PTPRD: variants seen among roughly 807,000 people sequenced by gnomAD.
The protein encoded by PTPRD is receptor-type tyrosine-protein phosphatase delta.
PTPRD carries 34 observed loss-of-function variants against 214.5 expected under a neutral mutation model. The ratio of observed to expected loss-of-function variants is 0.16; its 90% CI spans 0.12 to 0.21. The LOEUF (loss-of-function observed/expected upper bound fraction) is 0.21, where lower values mean the gene tolerates loss of function less well. Among genes scored for constraint, PTPRD ranks in the 10% least tolerant of loss-of-function variants. PTPRD has a pLI of 1.00. For synonymous variants in PTPRD, 1,128 were observed against 845.7 expected (o/e 1.33, Z -5.79); for missense variants, 2,545 against 2,398.7 (o/e 1.06, Z -1.27).
intron 3 of PTPRD, among the ~76,000 whole-genome samples, chr9:10,156,245 TG>T (rs2099092736): frequency 6.6e-6 from 1 of 151,920 alleles, no homozygotes; most frequent in Non-Finnish European, 1.5e-5. Flanking sequence ...AATTTGAGAT[TG>T]TTCTAACTTT....
At chr9:9,263,695 A>T (rs1358505454) in intron 9 of PTPRD, among the ~76,000 whole-genome samples, 1 of 151,702 alleles carries the variant, frequency 6.6e-6, no homozygotes, top group Non-Finnish European at 1.5e-5. Context: ...AGAAGATATT[A>T]AATAATATGA....
At chr9:8,925,840 C>T (rs2098882195) in intron 11 of PTPRD, among the ~76,000 whole-genome samples, 1 of 146,894 alleles carries the variant, frequency 6.8e-6, no homozygotes, top group South Asian at 2.2e-4. Flanking sequence ...CTCAATTTGT[C>T]AGCTGGACTA....
At chr9:8,376,549 G>T (rs1255343641) in intron 38 of PTPRD, 58 bp downstream of exon 38, 3 of 1,607,696 alleles carry the variant, frequency 1.9e-6, no homozygotes, top group South Asian at 2.2e-5. Context: ...TTTCTCAAAA[G>T]AAGCTTTCTT....
chr9:10,209,047 G>A (rs1311404675), intron 3 of PTPRD, among the ~76,000 whole-genome samples: 1 of 152,128 alleles, frequency 6.6e-6, no homozygotes, highest in Non-Finnish European at 1.5e-5. Context: ...GAATAATCTG[G>A]CTTCCATGTT....
chr9:10,565,073 C>T (rs2065193403), intron 2 of PTPRD, among the ~76,000 whole-genome samples: 1 of 151,944 alleles, frequency 6.6e-6, no homozygotes, highest in South Asian at 2.1e-4. Flanking sequence ...CCATGTATTG[C>T]TCATCATTTG....
chr9:8,555,808 T>C (rs143722050), intron 14 of PTPRD, among the ~76,000 whole-genome samples: 271 of 152,278 alleles, frequency 1.8e-3, no homozygotes, highest in South Asian at 9.1e-3. Flanking sequence ...GGAGCACAGA[T>C]TGCAGATGGA....
intron 5 of PTPRD, among the ~76,000 whole-genome samples, chr9:9,775,895 G>T (rs1051922714): frequency 1.4e-5 from 2 of 143,004 alleles, no homozygotes; most frequent in African/African-American, 5.2e-5. Context: ...GGCGGAGCTT[G>T]CAGTGAGCCA....
At chr9:9,551,140 C>T (rs953538421) in intron 8 of PTPRD, among the ~76,000 whole-genome samples, 4 of 151,822 alleles carry the variant, frequency 2.6e-5, no homozygotes, top group Non-Finnish European at 5.9e-5. Context: ...TCACCCTAAA[C>T]CTGCATATGA....
At chr9:9,360,822 G>A (rs943553686) in intron 9 of PTPRD, among the ~76,000 whole-genome samples, 2 of 151,022 alleles carry the variant, frequency 1.3e-5, no homozygotes, top group Non-Finnish European at 3.0e-5. Flanking sequence ...TATTATGTGA[G>A]GAAGTGGATT....
At chr9:10,308,978 C>G (rs1324346136) in intron 3 of PTPRD, among the ~76,000 whole-genome samples, 1 of 151,884 alleles carries the variant, frequency 6.6e-6, no homozygotes, top group Non-Finnish European at 1.5e-5. Flanking sequence ...GGGCAAAATC[C>G]TAAAAGTGGA....
chr9:8,756,140 C>G (rs956154), intron 11 of PTPRD, among the ~76,000 whole-genome samples: 1 of 151,952 alleles, frequency 6.6e-6, no homozygotes, highest in Non-Finnish European at 1.5e-5. Context: ...ACAAAGGAAC[C>G]GAGACAGTCA....
chr9:9,853,731 T>C (rs939969918), intron 5 of PTPRD, among the ~76,000 whole-genome samples: 1 of 152,074 alleles, frequency 6.6e-6, no homozygotes, highest in Non-Finnish European at 1.5e-5. Context: ...GTATTTTTAG[T>C]AGAGACGGGG....
intron 7 of PTPRD, among the ~76,000 whole-genome samples, chr9:9,708,299 G>C (rs1755744129): frequency 6.6e-6 from 1 of 152,032 alleles, no homozygotes; most frequent in African/African-American, 2.4e-5. Flanking sequence ...TTTCTCTTCA[G>C]AATGGCAATT....
chr9:10,544,720 G>A (rs1453111402), intron 2 of PTPRD, among the ~76,000 whole-genome samples: 1 of 152,076 alleles, frequency 6.6e-6, no homozygotes, highest in Non-Finnish European at 1.5e-5. Context: ...TTGAAAAGTA[G>A]GTTTTCTTCC....
chr9:9,307,978 T>C (rs1957669975), intron 9 of PTPRD, among the ~76,000 whole-genome samples: 1 of 152,134 alleles, frequency 6.6e-6, no homozygotes, highest in South Asian at 2.1e-4. Flanking sequence ...CAAGCTATCC[T>C]GCAAAATTCT....
chr9:9,633,047 C>T (rs900488139), intron 7 of PTPRD, among the ~76,000 whole-genome samples: 1 of 152,136 alleles, frequency 6.6e-6, no homozygotes, highest in Non-Finnish European at 1.5e-5. Flanking sequence ...ATAATCCCAG[C>T]ACTTTGGGAG....
At chr9:8,618,908 T>G (rs1233979329) in intron 14 of PTPRD, among the ~76,000 whole-genome samples, 3 of 98,088 alleles carry the variant, frequency 3.1e-5, no homozygotes, top group African/African-American at 4.1e-5. Context: ...TTGTCTGTGT[T>G]TTTTTGTTTT....
chr9:8,755,075 G>A (rs2093875239), intron 11 of PTPRD, among the ~76,000 whole-genome samples: 1 of 152,158 alleles, frequency 6.6e-6, no homozygotes, highest in Non-Finnish European at 1.5e-5. Flanking sequence ...GAAGGTTGCA[G>A]TGCAAATTAA....
intron 10 of PTPRD, among the ~76,000 whole-genome samples, chr9:9,060,124 A>C (rs1310002666): frequency 6.6e-6 from 1 of 152,202 alleles, no homozygotes; most frequent in Non-Finnish European, 1.5e-5. Flanking sequence ...TAAGGGAGCT[A>C]GGGGAAAGAC....
Sources: allele counts gnomAD v4.1 joint callset (sites outside exome capture counted in the v4.1 genomes callset), GRCh38; gene constraint gnomAD v4.1.1; transcripts MANE v1.5; gene names NCBI Gene and HGNC (gene_info 2026-07-23, HGNC 2026-07-21).